The following NEGR1 variants were observed in gnomAD, a reference collection of about 807,000 sequenced individuals.
NEGR1 encodes IgLON family member 4.
NEGR1 carries 10 observed loss-of-function variants against 40.9 expected under a neutral mutation model. The observed-to-expected ratio is 0.24, with a 90% CI of 0.15 to 0.42. The LOEUF (loss-of-function observed/expected upper bound fraction) is 0.42, where lower values mean the gene tolerates loss of function less well. Ranked by LOEUF, NEGR1 falls within the 10% of genes least tolerant of loss-of-function variation. The pLI, the probability that NEGR1 is intolerant of heterozygous loss-of-function variation, is 1.00. For missense variants in NEGR1, 352 were observed against 438.9 expected, an observed-to-expected ratio of 0.80 and a Z score of 1.77; for synonymous variants, 185 against 166.8, an observed-to-expected ratio of 1.11 and a Z score of -0.84.
intron 2 of NEGR1, among the ~76,000 whole-genome samples, chr1:71,931,681 C>A (rs1376655531): frequency 6.6e-6 from 1 of 152,072 alleles, no homozygotes; most frequent in African/African-American, 2.4e-5. Context: ...GAATAACCAG[C>A]TTTTATTTGA....
intron 2 of NEGR1, among the ~76,000 whole-genome samples, chr1:71,922,406 T>C (rs1645729667): frequency 6.6e-6 from 1 of 152,170 alleles, no homozygotes; most frequent in African/African-American, 2.4e-5. Context: ...GAGAATAGCT[T>C]TGAGATCAAA....
At position 71,624,777 on chromosome 1, in the gene NEGR1, T is replaced by C. The variant is rs570076723; in HGVS notation, c.668-13631A>G. On this transcript the variant is annotated intron_variant, in intron 4 of 6. Coordinates refer to ENST00000357731, the MANE Select transcript of NEGR1 (RefSeq NM_173808.3). ...AGGAGGTGCTCCCTGACCTCCTATA[T>C]AAAATGGCAATCCTACCCCCTTACT... Among the ~76,000 whole-genome samples the C allele has an allele frequency of 5.9e-5, 9 of 152,074 alleles. No homozygotes were observed. In the East Asian group the frequency reaches 1.8e-3, roughly 30 times the overall value.
At chr1:71,872,450 G>T (rs559591603) in intron 2 of NEGR1, among the ~76,000 whole-genome samples, 1 of 152,130 alleles carries the variant, frequency 6.6e-6, no homozygotes. Context: ...TATGGGCAAG[G>T]AAGTGTTGTG....
At chr1:71,926,630 G>A (rs1645776506) in intron 2 of NEGR1, among the ~76,000 whole-genome samples, 2 of 138,084 alleles carry the variant, frequency 1.4e-5, no homozygotes, top group South Asian at 4.9e-4. Flanking sequence ...AGCCGACAAT[G>A]TGTGGTGGCT....
chr1:72,140,677 C>A (rs530942558), intron 1 of NEGR1, among the ~76,000 whole-genome samples: 24 of 151,962 alleles, frequency 1.6e-4, no homozygotes, highest in African/African-American at 5.8e-4. Flanking sequence ...AGTTGTTTTT[C>A]AATCGAAATA....
At chr1:72,048,573 T>A (rs928890072) in intron 1 of NEGR1, among the ~76,000 whole-genome samples, 1 of 151,508 alleles carries the variant, frequency 6.6e-6, no homozygotes, top group Admixed American at 6.6e-5. Context: ...TCGGGTGGAA[T>A]AGTGAGGGTG....
chr1:72,124,762 A>C (rs1649945096), intron 1 of NEGR1, among the ~76,000 whole-genome samples: 1 of 152,078 alleles, frequency 6.6e-6, no homozygotes, highest in Non-Finnish European at 1.5e-5. Flanking sequence ...ATTTTATAGA[A>C]GAATTGCTAA....
intron 1 of NEGR1, among the ~76,000 whole-genome samples, chr1:72,207,125 A>G (rs1407012227): frequency 1.3e-5 from 2 of 151,662 alleles, no homozygotes; most frequent in African/African-American, 4.8e-5. Context: ...ATAACAGGCT[A>G]CAAAGAAAGA....
chr1:71,773,834 T>C (rs1221650763), intron 3 of NEGR1, among the ~76,000 whole-genome samples: 1 of 152,186 alleles, frequency 6.6e-6, no homozygotes, highest in Non-Finnish European at 1.5e-5. Flanking sequence ...TTATCCGTTA[T>C]CATTATTCTA....
chr1:71,969,873 G>A (rs1646241524), intron 1 of NEGR1, among the ~76,000 whole-genome samples: 1 of 152,164 alleles, frequency 6.6e-6, no homozygotes, highest in Non-Finnish European at 1.5e-5. Context: ...TTTATCTCAT[G>A]CCTAGAGATA....
chr1:72,220,659 G>T (rs893166436), intron 1 of NEGR1, among the ~76,000 whole-genome samples: 41 of 151,868 alleles, frequency 2.7e-4, no homozygotes, highest in Non-Finnish European at 4.0e-4. Context: ...CAACATTCCT[G>T]TAACAGAATT....
intron 6 of NEGR1, among the ~76,000 whole-genome samples, chr1:71,471,592 G>T (rs140006212): frequency 3.3e-5 from 5 of 152,146 alleles, no homozygotes; most frequent in Non-Finnish European, 5.9e-5. Flanking sequence ...GATGCAGTAA[G>T]CCACAGGACT....
At chr1:71,411,610 C>T (rs1646321595) in intron 6 of NEGR1, among the ~76,000 whole-genome samples, 1 of 152,082 alleles carries the variant, frequency 6.6e-6, no homozygotes, top group Admixed American at 6.5e-5. Flanking sequence ...TAGTTTCATT[C>T]TGAGTGACAT....
Position 71,400,997 on chromosome 1 carries a change from C to T in NEGR1, c.*6449G>A, listed in dbSNP as rs370330824. 2.6e-5 allele frequency: 4 copies of T among 152,134 alleles called. No individual in the cohort carries two copies. The highest frequency in any genetic ancestry group is 7.2e-5 in the African/African-American group (3 of 41,386). The allele number at this position is 152,134 out of a possible 1,614,324, so 9.4% of individuals were successfully genotyped here. A position where few individuals can be genotyped will look rare whatever the true frequency, so the allele number is the denominator to read the frequency against. ...GCAGTGAGCCAAGATCACACCACTG[C>T]ACTCCATCCAGGGCAACCGAGCAAA... On this transcript the variant is annotated 3_prime_UTR_variant, in exon 7 of 7. Transcript: ENST00000357731.
intron 3 of NEGR1, among the ~76,000 whole-genome samples, chr1:71,758,817 A>G (rs961400560): frequency 6.6e-6 from 1 of 152,172 alleles, no homozygotes; most frequent in Non-Finnish European, 1.5e-5. Context: ...TCTTACTCAT[A>G]TATATTTCAA....
chr1:72,114,178 G>T lies in NEGR1; in HGVS notation c.176+168141C>A, dbSNP rs540255351. On this transcript the variant is annotated intron_variant, in intron 1 of 6. Coordinates refer to ENST00000357731, the MANE Select transcript of NEGR1 (RefSeq NM_173808.3). ...GTTTCTCTGAGGGTATTTTTTTTTAGATGAGATTAACATTTAAATCAGGAG... is the reference window on the plus strand; with the variant it reads ...GTTTCTCTGAGGGTATTTTTTTTTATATGAGATTAACATTTAAATCAGGAG... Among the ~76,000 whole-genome samples the T allele has an allele frequency of 1.3e-4, 20 of 151,494 alleles. 1 individual carries two copies. In the South Asian group the frequency reaches 4.0e-3, roughly 30 times the overall value.
At chr1:72,031,267 T>C (rs1310950284) in intron 1 of NEGR1, among the ~76,000 whole-genome samples, 1 of 152,178 alleles carries the variant, frequency 6.6e-6, no homozygotes, top group Non-Finnish European at 1.5e-5. Context: ...AAATTCAGTT[T>C]CTGTGGAACT....
chr1:71,881,638 G>T (rs1301565563), intron 2 of NEGR1, among the ~76,000 whole-genome samples: 1 of 151,974 alleles, frequency 6.6e-6, no homozygotes, highest in African/African-American at 2.4e-5. Context: ...TGTTAAATTT[G>T]AAGAAAAAAG....
At chr1:71,813,376 GC>G (rs1658075562) in intron 2 of NEGR1, among the ~76,000 whole-genome samples, 1 of 152,054 alleles carries the variant, frequency 6.6e-6, no homozygotes, top group Non-Finnish European at 1.5e-5. Flanking sequence ...GATGCCTCCA[GC>G]TTTTTTCTTT....
Sources: gnomAD v4.1 joint callset for allele counts (sites outside exome capture counted in the v4.1 genomes callset) on GRCh38, gnomAD v4.1.1 for gene constraint, MANE v1.5 for transcripts, NCBI Gene and HGNC (gene_info 2026-07-23, HGNC 2026-07-21) for gene names.